JARID2: variants seen among roughly 807,000 people sequenced by gnomAD.
JARID2 encodes the protein protein Jumonji.
A neutral mutation model predicts 125.6 loss-of-function variants in JARID2; 21 were observed. The ratio of observed to expected loss-of-function variants is 0.17; its 90% CI spans 0.12 to 0.24. The LOEUF (loss-of-function observed/expected upper bound fraction) is 0.24, where lower values mean the gene tolerates loss of function less well. Ranked by LOEUF, JARID2 falls within the 10% of genes least tolerant of loss-of-function variation. The probability of loss-of-function intolerance (pLI) is 1.00; values close to 1 mark genes in which losing one functional copy is unlikely to be tolerated. For missense variants in JARID2, 1,303 were observed against 1,639.6 expected, an observed-to-expected ratio of 0.79 and a Z score of 3.55; for synonymous variants, 736 against 661.6, an observed-to-expected ratio of 1.11 and a Z score of -1.73.
intron 16 of JARID2, among the ~76,000 whole-genome samples, chr6:15,514,100 T>A (rs1581671207): frequency 6.6e-6 from 1 of 152,126 alleles, no homozygotes; most frequent in East Asian, 1.9e-4. Flanking sequence ...ACCAAACACC[T>A]CCTCCCCCTG....
At chr6:15,452,285 C>T in intron 4 of JARID2, 110 bp downstream of exon 4, 1 of 1,448,640 alleles carries the variant, frequency 6.9e-7, no homozygotes, top group Non-Finnish European at 9.1e-7. Context: ...TTTTCTGTCC[C>T]CAACCTGGGT....
intron 3 of JARID2, among the ~76,000 whole-genome samples, chr6:15,435,618 G>T (rs1229621794): frequency 1.3e-5 from 2 of 152,132 alleles, no homozygotes; most frequent in Non-Finnish European, 2.9e-5. Flanking sequence ...TTTCTTGTTT[G>T]TTTATTACCT....
At chr6:15,326,571 C>T (rs9396582) in intron 1 of JARID2, among the ~76,000 whole-genome samples, 10 of 151,936 alleles carry the variant, frequency 6.6e-5, no homozygotes, top group African/African-American at 2.4e-4. Context: ...GCTCGATCTT[C>T]GCTCACTGCG....
intron 1 of JARID2, chr6:15,247,949 C>G: frequency 2.0e-6 from 2 of 985,488 alleles, no homozygotes; most frequent in Non-Finnish European, 2.4e-6. Context: ...GGACGCCTTC[C>G]CGGGGCACGT....
chr6:15,410,910 C>G lies in JARID2; in HGVS notation c.323+545C>G, dbSNP rs1056593008. ...TTTTTATGTGGCTTTCCTAAATAAG[C>G]TTCAGATAGTTTGGTAAGGAAGTTG... On this transcript the variant is annotated intron_variant, in intron 3 of 17. Transcript: ENST00000341776. Among the ~76,000 whole-genome samples the G allele has an allele frequency of 5.3e-5, 8 of 152,134 alleles. No homozygotes were observed. The East Asian group carries it at 1.5e-3, about 29-fold the overall frequency.
chr6:15,511,470 C>T, intron 13 of JARID2, 69 bp downstream of exon 13: 2 of 1,040,768 alleles, frequency 1.9e-6, no homozygotes, highest in South Asian at 2.5e-5. Flanking sequence ...CATGGTTTCC[C>T]ATGAACCCGC....
chr6:15,516,595 G>A (rs1771573436), intron 16 of JARID2, among the ~76,000 whole-genome samples: 1 of 152,244 alleles, frequency 6.6e-6, no homozygotes, highest in South Asian at 2.1e-4. Context: ...AGGGTTTTGG[G>A]GGAGTTTGCA....
chr6:15,300,450 C>T (rs58053975), intron 1 of JARID2, among the ~76,000 whole-genome samples: 4,200 of 152,232 alleles, frequency 0.028, 206 homozygotes, highest in African/African-American at 0.095. Flanking sequence ...ACCTTCCCCT[C>T]CCATCTTCCT....
At chr6:15,426,139 C>T (rs1187563592) in intron 3 of JARID2, among the ~76,000 whole-genome samples, 4 of 152,076 alleles carry the variant, frequency 2.6e-5, no homozygotes, top group African/African-American at 9.7e-5. Flanking sequence ...TGGGAGGGGA[C>T]AGCAGCTACT....
At chr6:15,402,770 G>C (rs1275080524) in intron 2 of JARID2, among the ~76,000 whole-genome samples, 1 of 152,156 alleles carries the variant, frequency 6.6e-6, no homozygotes, top group African/African-American at 2.4e-5. Context: ...TGAGCTGATA[G>C]AAGCTCGAGT....
At chr6:15,360,656 T>C (rs1238628158) in intron 1 of JARID2, among the ~76,000 whole-genome samples, 1 of 152,084 alleles carries the variant, frequency 6.6e-6, no homozygotes, top group Non-Finnish European at 1.5e-5. Context: ...ATTTTAAGTT[T>C]TTAACTAATT....
intron 1 of JARID2, 137 bp from the exon 2 acceptor site, chr6:15,373,980 G>A: frequency 2.2e-6 from 2 of 922,030 alleles, no homozygotes; most frequent in South Asian, 3.3e-5. Context: ...CCTTATGGGT[G>A]TAATTCTGAC....
At chr6:15,470,509 G>A (rs1417173766) in intron 5 of JARID2, among the ~76,000 whole-genome samples, 1 of 152,222 alleles carries the variant, frequency 6.6e-6, no homozygotes, top group Non-Finnish European at 1.5e-5. Context: ...AGCTTTCATT[G>A]TTGTTGGGCA....
intron 14 of JARID2, 64 bp downstream of exon 14, chr6:15,512,454 GCA>G: frequency 2.1e-6 from 3 of 1,433,600 alleles, no homozygotes; most frequent in Non-Finnish European, 2.0e-6. Flanking sequence ...GTGCGTGAGC[GCA>G]CACAGAAGCA....
intron 3 of JARID2, among the ~76,000 whole-genome samples, chr6:15,411,603 T>A (rs962181180): frequency 5.3e-5 from 8 of 152,248 alleles, no homozygotes; most frequent in African/African-American, 1.9e-4. Flanking sequence ...ATTACAGATA[T>A]TCCATAACAA....
In JARID2 at chr6:15,452,112, A is replaced by T; in HGVS notation, c.430A>T (p.Ile144Leu). ...ATTGCTACCCCCTCCAGCTACTCAGATATCAGACCTCTCTAAAAGGAAGCC... is the reference window on the plus strand; with the variant it reads ...ATTGCTACCCCCTCCAGCTACTCAGTTATCAGACCTCTCTAAAAGGAAGCC... ...EPLLPPPATQ[I>L]SDLSKRKPKT... The change falls in exon 4 of 18, where the codon ATA (isoleucine) becomes TTA (leucine). Residue 144 changes from isoleucine (I) to leucine (L), a missense_variant. Ile to Leu is a conservative substitution (Grantham distance 5). This residue lies in a region of JARID2 where 42 missense variants were observed against 35.7 expected (regional missense o/e 1.18). Coordinates refer to ENST00000341776, the MANE Select transcript of JARID2 (RefSeq NM_004973.4). 6.2e-7 allele frequency: 1 copy of T among 1,614,140 alleles called. No individual in the cohort carries two copies. Among genetic ancestry groups the T allele is most frequent in the Non-Finnish European group, 8.5e-7 (1 of 1,180,030 alleles).
intron 1 of JARID2, among the ~76,000 whole-genome samples, chr6:15,322,358 A>G (rs1012268219): frequency 1.3e-5 from 2 of 152,212 alleles, no homozygotes; most frequent in Non-Finnish European, 2.9e-5. Context: ...TACGCAAGCC[A>G]TATTCACTAT....
intron 1 of JARID2, among the ~76,000 whole-genome samples, chr6:15,315,886 T>C (rs1762163524): frequency 6.6e-6 from 1 of 152,174 alleles, no homozygotes; most frequent in Admixed American, 6.5e-5. Flanking sequence ...TTCTCAGGGC[T>C]CCCAAATTTA....
intron 1 of JARID2, chr6:15,248,375 T>G (rs947732501): frequency 3.7e-5 from 3 of 81,990 alleles, no homozygotes; most frequent in Admixed American, 1.3e-4. Context: ...GGAGGGCGGG[T>G]GGGGCGCGGG....
Sources: allele counts gnomAD v4.1 joint callset (sites outside exome capture counted in the v4.1 genomes callset), GRCh38; gene constraint gnomAD v4.1.1; regional missense constraint gnomAD v4.1.1; transcripts MANE v1.5; gene names NCBI Gene and HGNC (gene_info 2026-07-23, HGNC 2026-07-21).